DST: variants seen among roughly 807,000 people sequenced by gnomAD.
DST encodes bullous pemphigoid antigen.
In DST, 253 loss-of-function variants were observed where a neutral mutation model predicts 875.2. That is an observed-to-expected ratio of 0.29 (90% confidence interval 0.26 to 0.32). DST has a LOEUF of 0.32. Among genes scored for constraint, DST ranks in the 10% least tolerant of loss-of-function variants. DST has a pLI of 1.00. For synonymous variants in DST, 3,124 were observed against 3,197.1 expected (o/e 0.98, Z 0.77); for missense variants, 8,287 against 9,111.6 (o/e 0.91, Z 3.68).
chr6:56,909,649 A>C (rs1459796464), intron 2 of DST, among the ~76,000 whole-genome samples: 2 of 152,240 alleles, frequency 1.3e-5, no homozygotes, highest in Admixed American at 1.3e-4. Flanking sequence ...ACCACCTTGA[A>C]GGCTCATTAA....
intron 61 of DST, among the ~76,000 whole-genome samples, chr6:56,539,115 G>A (rs1201188839): frequency 6.6e-6 from 1 of 152,066 alleles, no homozygotes; most frequent in African/African-American, 2.4e-5. Context: ...CTCTTATATA[G>A]TTTTCAGGAC....
chr6:56,683,195 G>A (rs60204039), intron 9 of DST, among the ~76,000 whole-genome samples: 2,040 of 152,236 alleles, frequency 0.013, 46 homozygotes, highest in African/African-American at 0.047. Context: ...TTGAGTCAAG[G>A]CAACTATTAT....
intron 69 of DST, among the ~76,000 whole-genome samples, chr6:56,518,096 G>C (rs556166868): frequency 2.0e-4 from 30 of 152,214 alleles, no homozygotes; most frequent in African/African-American, 6.5e-4. Context: ...GTTTATAAAT[G>C]CATGTGTAAA....
At chr6:56,777,973 G>A (rs935245417) in intron 4 of DST, among the ~76,000 whole-genome samples, 5 of 152,196 alleles carry the variant, frequency 3.3e-5, no homozygotes, top group Non-Finnish European at 2.9e-5. Context: ...AAAGTGCTAG[G>A]ATTACAGGCA....
At chr6:56,779,454 T>C (rs1442779067) in intron 4 of DST, among the ~76,000 whole-genome samples, 1 of 152,134 alleles carries the variant, frequency 6.6e-6, no homozygotes, top group Non-Finnish European at 1.5e-5. Context: ...CATGAAGTCC[T>C]TGCCCATGCC....
At chr6:56,718,013 A>C (rs1016379197) in intron 5 of DST, among the ~76,000 whole-genome samples, 1 of 152,196 alleles carries the variant, frequency 6.6e-6, no homozygotes, top group Non-Finnish European at 1.5e-5. Context: ...CAGGAGGCTT[A>C]GGTGGGAAAA....
rs565318093 is a variant in DST at position 56,927,096 on chromosome 6, C to T, written c.217-26475G>A. The stretch of plus-strand genomic sequence containing the variant: ...AAAAAGGGCACCAGAGACATGCTGC[C>T]TGTTTCACAGTTTGATCTAAACTAA... On this transcript the variant is annotated intron_variant, in intron 2 of 103. Coordinates refer to ENST00000680361, the MANE Select transcript of DST (RefSeq NM_001374736.1). 6.6e-5 allele frequency among the ~76,000 whole-genome samples: 10 copies of T among 152,280 alleles called. No homozygotes were observed. The East Asian group carries it at 1.2e-3, about 18-fold the overall frequency.
At position 56,604,994 on chromosome 6, in the gene DST, G is replaced by A; in HGVS notation, c.9634C>T (p.Pro3212Ser). 3.1e-6 allele frequency: 5 copies of A among 1,612,688 alleles called. No individual in the cohort carries two copies. Among genetic ancestry groups the A allele is most frequent in the Non-Finnish European group, 3.4e-6 (4 of 1,179,200 alleles). The change falls in exon 40 of 104, where the codon CCT becomes TCT. Residue 3212 changes from proline to serine, a missense_variant. Coordinates refer to ENST00000680361, the MANE Select transcript of DST (RefSeq NM_001374736.1). ...DVPSHVLITA[P>S]PMKEHLQLGV... The stretch of plus-strand genomic sequence containing the variant: ...AATTGTAAATGTTCTTTCATGGGAG[G>A]GGCAGTTATTAAAACATGGCTTGGG...
intron 5 of DST, among the ~76,000 whole-genome samples, chr6:56,729,585 C>T (rs1387575924): frequency 2.8e-5 from 4 of 142,976 alleles, no homozygotes; most frequent in Admixed American, 7.4e-5. Flanking sequence ...CCAGCCTGGG[C>T]GACAAGAGCA....
In DST at chr6:56,482,072, C is replaced by A. The variant is rs201690182; in HGVS notation, c.21509G>T (p.Arg7170Leu). The stretch of plus-strand genomic sequence containing the variant: ...CACTTTATGCTGATCAATGAGAGTC[C>A]GGAGAGCATCCTCATCATCTGGGAG... ...GVLPDDEDAL[R>L]TLIDQHKEFM... The change falls in exon 90 of 104, where the codon CGG becomes CTG. Residue 7170 changes from arginine (R) to leucine (L), a missense_variant. Physicochemically the swap from Arg to Leu is moderately radical, Grantham distance 102. Around this residue, in one of 10 missense-constraint regions of DST, gnomAD observed 1,292 missense variants for 1,552.7 expected, o/e 0.83. Transcript: ENST00000680361. 8.7e-6 allele frequency: 14 copies of A among 1,613,394 alleles called. No homozygotes were observed. In the East Asian group the frequency reaches 1.3e-4, roughly 15 times the overall value.
At position 56,764,882 on chromosome 6, in the gene DST, G is replaced by A. The variant is rs187756667; in HGVS notation, c.626-29593C>T. The stretch of plus-strand genomic sequence containing the variant: ...TGAGGCAGGAGAATTGCTTGAACAC[G>A]GGAGGCAGAGGTTGCAGTGAGCCAA... On this transcript the variant is annotated intron_variant, in intron 4 of 103. Transcript: ENST00000680361. Among the ~76,000 whole-genome samples, 67 of 151,836 alleles carry A rather than the reference G, an allele frequency of 4.4e-4. 2 individuals carry two copies. In the East Asian group the frequency reaches 5.4e-3, roughly 12 times the overall value.
intron 102 of DST, chr6:56,461,834 T>C (rs941123883): frequency 6.6e-6 from 1 of 152,190 alleles, no homozygotes; most frequent in African/African-American, 2.4e-5. Context: ...AGGTAATATA[T>C]AATACTAACA....
At position 56,607,993 on chromosome 6, in the gene DST, T is replaced by C; in HGVS notation, c.6635A>G (p.Asp2212Gly). 1.2e-6 allele frequency: 2 copies of C among 1,613,500 alleles called. No individual in the cohort carries two copies. The highest frequency in any genetic ancestry group is 1.7e-6 in the Non-Finnish European group (2 of 1,179,678). Residue 2212 changes from aspartate to glycine, a missense_variant, in exon 40 of 104, where the codon GAT becomes GGT. By Grantham distance (94) the Asp-to-Gly change is moderately conservative. Transcript: ENST00000680361. ...LSYLMINSYMDANTGQRLLLY... is the reference protein window; with the variant it reads ...LSYLMINSYMGANTGQRLLLY... ...CAAAAGCCTTTGCCCTGTGTTTGCATCCATATAGCTATTTATCATTAAATA... is the reference window on the plus strand; with the variant it reads ...CAAAAGCCTTTGCCCTGTGTTTGCACCCATATAGCTATTTATCATTAAATA...
At chr6:56,506,618 T>A in intron 76 of DST, 49 bp downstream of exon 76, 1 of 1,610,020 alleles carries the variant, frequency 6.2e-7, no homozygotes, top group Non-Finnish European at 8.5e-7. Flanking sequence ...AATATTTTAG[T>A]TAACTAAAAA....
chr6:56,643,645 T>C (rs1438227277), intron 15 of DST, among the ~76,000 whole-genome samples: 4 of 152,202 alleles, frequency 2.6e-5, no homozygotes, highest in Non-Finnish European at 5.9e-5. Flanking sequence ...TGAAGAAACA[T>C]GAAGGCATTT....
chr6:56,556,264 T>C (rs2097416110), intron 59 of DST, among the ~76,000 whole-genome samples: 1 of 152,208 alleles, frequency 6.6e-6, no homozygotes, highest in African/African-American at 2.4e-5. Flanking sequence ...TGTTAGAATA[T>C]ATTAACTCAT....
chr6:56,848,826 G>A (rs549289781), intron 4 of DST, among the ~76,000 whole-genome samples: 33 of 152,132 alleles, frequency 2.2e-4, no homozygotes, highest in African/African-American at 6.3e-4. Context: ...CTTGAGGTAC[G>A]GAGTTCGAGA....
intron 86 of DST, among the ~76,000 whole-genome samples, chr6:56,487,960 A>T (rs1272616950): frequency 6.6e-6 from 1 of 152,198 alleles, no homozygotes; most frequent in Non-Finnish European, 1.5e-5. Context: ...TTCTAAAATA[A>T]TCTCAAGGTT....
At chr6:56,792,529 G>A (rs909961436) in intron 4 of DST, among the ~76,000 whole-genome samples, 14 of 151,880 alleles carry the variant, frequency 9.2e-5, no homozygotes, top group Non-Finnish European at 1.3e-4. Context: ...TGTAACTCCT[G>A]GGCTCAAGCA....
Sources: gnomAD v4.1 joint callset for allele counts (sites outside exome capture counted in the v4.1 genomes callset) on GRCh38, gnomAD v4.1.1 for gene constraint, gnomAD v4.1.1 regional missense constraint, MANE v1.5 for transcripts, NCBI Gene and HGNC (gene_info 2026-07-23, HGNC 2026-07-21) for gene names.